The following PDLIM5 variants were observed in gnomAD, a reference collection of about 807,000 sequenced individuals.
The protein encoded by PDLIM5 is PDZ and LIM domain 5.
A neutral mutation model predicts 64.2 loss-of-function variants in PDLIM5; 34 were observed. The observed-to-expected ratio is 0.53, with a 90% CI of 0.40 to 0.71. PDLIM5 has a LOEUF of 0.71. PDLIM5 is among the 30% of genes least tolerant of loss of function. The probability of loss-of-function intolerance (pLI) is 0.00; values close to 1 mark genes in which losing one functional copy is unlikely to be tolerated. For synonymous variants in PDLIM5, 253 were observed against 269.1 expected (o/e 0.94, Z 0.59); for missense variants, 683 against 733.6 (o/e 0.93, Z 0.80).
intron 8 of PDLIM5, among the ~76,000 whole-genome samples, chr4:94,626,805 T>G (rs978625909): frequency 1.6e-4 from 25 of 152,024 alleles, no homozygotes; most frequent in African/African-American, 5.8e-4. Context: ...TGTTTTTTTT[T>G]TGTGAGAAAG....
chr4:94,533,402 GT>G (rs1560684061), intron 3 of PDLIM5, among the ~76,000 whole-genome samples: 2 of 152,252 alleles, frequency 1.3e-5, no homozygotes, highest in East Asian at 3.9e-4. Flanking sequence ...TTAAAGATCT[GT>G]TTAGTTTTAA....
intron 3 of PDLIM5, among the ~76,000 whole-genome samples, chr4:94,558,200 G>A (rs1345290198): frequency 6.6e-6 from 1 of 152,138 alleles, no homozygotes; most frequent in Admixed American, 6.6e-5. Flanking sequence ...TTTATATGCT[G>A]GATTACGTTT....
chr4:94,545,841 T>A (rs372947712), intron 3 of PDLIM5, among the ~76,000 whole-genome samples: 1 of 152,236 alleles, frequency 6.6e-6, no homozygotes, highest in Non-Finnish European at 1.5e-5. Context: ...TAATTTCTTA[T>A]GGCCTGATAT....
At chr4:94,492,902 G>T (rs2452555) in intron 2 of PDLIM5, among the ~76,000 whole-genome samples, 88,498 of 151,970 alleles carry the variant, frequency 0.58, 28,329 homozygotes, top group African/African-American at 0.86. Context: ...AGAGGAATTA[G>T]TGGGTCATAT....
chr4:94,594,911 A>C (rs2110337468), intron 7 of PDLIM5, among the ~76,000 whole-genome samples: 1 of 152,328 alleles, frequency 6.6e-6, no homozygotes, highest in South Asian at 2.1e-4. Flanking sequence ...ACTGCTAAAA[A>C]GAACTACCTG....
chr4:94,503,149 C>T (rs1251928220), intron 2 of PDLIM5, among the ~76,000 whole-genome samples: 2 of 152,036 alleles, frequency 1.3e-5, no homozygotes, highest in Non-Finnish European at 2.9e-5. Flanking sequence ...TTTCCCATGT[C>T]CCCCTGTAAC....
At chr4:94,457,077 T>C in intron 2 of PDLIM5, 3 of 857,072 alleles carry the variant, frequency 3.5e-6, no homozygotes, top group Non-Finnish European at 4.2e-6. Flanking sequence ...TATAAATATA[T>C]ATACACACAC....
intron 9 of PDLIM5, among the ~76,000 whole-genome samples, chr4:94,646,168 G>A (rs750936986): frequency 2.0e-5 from 3 of 152,124 alleles, no homozygotes; most frequent in East Asian, 1.9e-4. Context: ...GTTGTGAACC[G>A]AATTGTGTCT....
At position 94,581,796 on chromosome 4, in the gene PDLIM5, T is replaced by C. The variant is rs147982602; in HGVS notation, c.711-3769T>C. ...TTAGTCTTTTCTATCCCTACTGTAA[T>C]ATGAATGTGTTGTTAATGATTCTGC... On this transcript the variant is annotated intron_variant, in intron 5 of 12. Transcript: ENST00000317968. Among the ~76,000 whole-genome samples the C allele has an allele frequency of 4.8e-3, 726 of 152,318 alleles. 6 individuals carry two copies. Among genetic ancestry groups the C allele is most frequent in the African/African-American group, 0.017 (695 of 41,582 alleles).
At chr4:94,635,847 C>G (rs961494731) in intron 8 of PDLIM5, among the ~76,000 whole-genome samples, 2 of 152,258 alleles carry the variant, frequency 1.3e-5, no homozygotes, top group East Asian at 3.9e-4. Flanking sequence ...TTTGTTCATA[C>G]GGGAAATAGC....
At chr4:94,563,124 A>G (rs1026762145) in intron 3 of PDLIM5, among the ~76,000 whole-genome samples, 2 of 152,190 alleles carry the variant, frequency 1.3e-5, no homozygotes, top group Non-Finnish European at 2.9e-5. Flanking sequence ...CACAAATAAT[A>G]TAAGAAGTTG....
chr4:94,635,242 C>A (rs1183827210), intron 8 of PDLIM5, among the ~76,000 whole-genome samples: 1 of 152,008 alleles, frequency 6.6e-6, no homozygotes, highest in Non-Finnish European at 1.5e-5. Flanking sequence ...AAACAAGCTC[C>A]CAGGGAGTAG....
intron 3 of PDLIM5, among the ~76,000 whole-genome samples, chr4:94,563,351 C>A (rs768259482): frequency 4.6e-5 from 7 of 152,114 alleles, no homozygotes; most frequent in Middle Eastern, 3.2e-3. Flanking sequence ...CTAAAGTAGC[C>A]ACATTTGATC....
At chr4:94,523,398 A>G (rs947405161) in intron 2 of PDLIM5, among the ~76,000 whole-genome samples, 5 of 152,218 alleles carry the variant, frequency 3.3e-5, no homozygotes, top group African/African-American at 1.2e-4. Flanking sequence ...TAAAATGTGA[A>G]GTTTCCTTGG....
At position 94,586,414 on chromosome 4, in the gene PDLIM5, A is replaced by C. The variant is rs761542134; in HGVS notation, c.890A>C (p.Glu297Ala). The C allele has an allele frequency of 6.6e-7, 1 of 1,512,190 alleles. No individual in the cohort carries two copies. The highest frequency in any genetic ancestry group is 1.2e-5 in the South Asian group (1 of 86,564). 93.7% of individuals were successfully genotyped at this position (1,512,190 alleles called of 1,614,324 possible). Reference sequence around the variant, plus strand: ...ATTGCTTATTATATTTCAGTGAAAGAATCTGAAGCCGATAATACAAAGAAG... The same window carrying C: ...ATTGCTTATTATATTTCAGTGAAAGCATCTGAAGCCGATAATACAAAGAAG... Reference protein sequence around the residue: ...AQITGTEHLKESEADNTKKAN... With the variant: ...AQITGTEHLKASEADNTKKAN... Residue 297 changes from glutamate to alanine, a missense_variant, in exon 7 of 13, where the codon GAA becomes GCA. By Grantham distance (107) the Glu-to-Ala change is moderately radical. Transcript: ENST00000317968.
At chr4:94,463,521 T>G (rs1451896367) in intron 2 of PDLIM5, among the ~76,000 whole-genome samples, 3 of 152,180 alleles carry the variant, frequency 2.0e-5, no homozygotes, top group Non-Finnish European at 4.4e-5. Context: ...GACTTCATTC[T>G]TGTCATCTTC....
Position 94,665,405 on chromosome 4 carries a change from C to T in PDLIM5, c.*1338C>T, listed in dbSNP as rs1743024423. The T allele has an allele frequency of 7.0e-6, 3 of 427,768 alleles. No individual in the cohort carries two copies. The highest frequency in any genetic ancestry group is 9.3e-6 in the Non-Finnish European group (3 of 321,220). The allele number at this position is 427,768 out of a possible 1,614,324, so 26.5% of individuals were successfully genotyped here. ...GCTGAGGCAGGAAAATTCTTGAACCCAGGAGACGGAAGTTGCAGTGAGCTG... is the reference window on the plus strand; with the variant it reads ...GCTGAGGCAGGAAAATTCTTGAACCTAGGAGACGGAAGTTGCAGTGAGCTG... On this transcript the variant is annotated 3_prime_UTR_variant, in exon 13 of 13. Transcript: ENST00000317968.
At chr4:94,653,191 A>C (rs144283318) in intron 9 of PDLIM5, among the ~76,000 whole-genome samples, 1 of 152,068 alleles carries the variant, frequency 6.6e-6, no homozygotes, top group African/African-American at 2.4e-5. Flanking sequence ...GCATACTAGA[A>C]ATCAGGAAAT....
intron 2 of PDLIM5, chr4:94,455,591 C>G: frequency 1.6e-6 from 1 of 635,038 alleles, no homozygotes; most frequent in South Asian, 2.0e-5. Context: ...TTTTCGTTTT[C>G]CCCCATGTTA....
Sources: allele counts gnomAD v4.1 joint callset (sites outside exome capture counted in the v4.1 genomes callset), GRCh38; gene constraint gnomAD v4.1.1; transcripts MANE v1.5; gene names NCBI Gene and HGNC (gene_info 2026-07-23, HGNC 2026-07-21).